Variants in RPL28 observed in about 807,000 individuals in gnomAD.
RPL28 encodes the protein ribosomal protein L28.
In RPL28, 4 loss-of-function variants were observed where a neutral mutation model predicts 12.5. The observed-to-expected ratio is 0.32, with a 90% confidence interval of 0.16 to 0.73. RPL28 has a LOEUF of 0.73. RPL28 is among the 30% of genes least tolerant of loss of function. The probability of loss-of-function intolerance (pLI) is 0.66; values close to 1 mark genes in which losing one functional copy is unlikely to be tolerated. For missense variants in RPL28, 214 were observed against 197.7 expected, an observed-to-expected ratio of 1.08 and a Z score of -0.49; for synonymous variants, 91 against 72.5, an observed-to-expected ratio of 1.26 and a Z score of -1.30.
downstream of RPL28, among the ~76,000 whole-genome samples, chr19:55,396,637 G>A (rs1016040580): frequency 5.2e-5 from 7 of 134,576 alleles, no homozygotes; most frequent in Non-Finnish European, 4.8e-5. Flanking sequence ...TGTCACCCAG[G>A]CTGGAGTGCA....
At position 55,387,975 on chromosome 19, in the gene RPL28, A is replaced by G. The variant is rs17856327; in HGVS notation, c.251A>G (p.Lys84Arg). 24 of 1,607,580 alleles carry G rather than the reference A, an allele frequency of 1.5e-5. 1 individual carries two copies. The highest frequency in any genetic ancestry group is 1.2e-4 in the African/African-American group (9 of 74,796). ...TCCTATGTGCGGACCACCATCAACA[A>G]GAATGCTCGCGCCACGCTCAGCAGC... Reference protein sequence around the residue: ...ATSYVRTTINKNARATLSSIR... With the variant: ...ATSYVRTTINRNARATLSSIR... The change falls in exon 4 of 5, where the codon AAG becomes AGG. Residue 84 changes from lysine to arginine, a missense_variant. Physicochemically the swap from Lys to Arg is conservative, Grantham distance 26. Coordinates refer to ENST00000344063, the MANE Select transcript of RPL28 (RefSeq NM_000991.5).
At chr19:55,399,213 C>CTGG (rs2090040775) in intron 4 of RPL28, among the ~76,000 whole-genome samples, 1 of 152,184 alleles carries the variant, frequency 6.6e-6, no homozygotes, top group African/African-American at 2.4e-5. Context: ...GTCACCCAGG[C>CTGG]TGGAGTGCAG....
chr19:55,394,929 A>G (rs1435742279), downstream of RPL28, among the ~76,000 whole-genome samples: 1 of 152,174 alleles, frequency 6.6e-6, no homozygotes, highest in Non-Finnish European at 1.5e-5. Context: ...AGTGAAAAAA[A>G]GCAACCTGCA....
At position 55,386,610 on chromosome 19, in the gene RPL28, A is replaced by G. The variant is rs1039335381; in HGVS notation, c.122A>G (p.Asn41Ser). Residue 41 changes from asparagine (N) to serine (S), a missense_variant, in exon 3 of 5, where the codon AAC (asparagine) becomes AGC (serine). By Grantham distance (46) the Asn-to-Ser change is conservative (BLOSUM62 1). Transcript: ENST00000344063. Reference protein sequence around the residue: ...NLKARNSFRYNGLIHRKTVGV... With the variant: ...NLKARNSFRYSGLIHRKTVGV... ...AAGGCCCGCAATTCCTTCCGCTACA[A>G]CGGACTGATTCACCGCAAGACTGTG... 1.9e-6 allele frequency: 3 copies of G among 1,613,108 alleles called. No individual in the cohort carries two copies. Among genetic ancestry groups the G allele is most frequent in the East Asian group, 2.2e-5 (1 of 44,868 alleles).
chr19:55,402,645 C>T (rs1403810180), intron 4 of RPL28, among the ~76,000 whole-genome samples: 2 of 152,222 alleles, frequency 1.3e-5, no homozygotes, highest in African/African-American at 4.8e-5. Context: ...CACCCTAATT[C>T]TCATCACTGC....
At chr19:55,395,658 T>C (rs989389082), downstream of RPL28, among the ~76,000 whole-genome samples, 16 of 150,090 alleles carry the variant, frequency 1.1e-4, no homozygotes, top group African/African-American at 3.4e-4. Context: ...TTAGCCAGGA[T>C]GGTCTCAATC....
intron 4 of RPL28, chr19:55,401,873 T>C (rs1344512615): frequency 2.5e-6 from 3 of 1,181,668 alleles, no homozygotes; most frequent in African/African-American, 1.5e-5. Context: ...CCAACTCAGC[T>C]GCAGATCCAG....
rs201654741 is a variant in RPL28, at chr19:55,387,954, A to T, written c.230A>T (p.Tyr77Phe). The change falls in exon 4 of 5, where the codon TAT becomes TTT. Residue 77 changes from tyrosine to phenylalanine, a missense_variant. Tyr to Phe is a conservative substitution (Grantham distance 22). Coordinates refer to ENST00000344063, the MANE Select transcript of RPL28 (RefSeq NM_000991.5). ...RSGQRKPATS[Y>F]VRTTINKNAR... is the part of the protein sequence containing the mutation. ...GGCCAGCGGAAGCCTGCCACCTCCTATGTGCGGACCACCATCAACAAGAAT... is the reference window on the plus strand; with the variant it reads ...GGCCAGCGGAAGCCTGCCACCTCCTTTGTGCGGACCACCATCAACAAGAAT... 6.3e-7 allele frequency: 1 copy of T among 1,593,946 alleles called. No homozygotes were observed. The highest frequency in any genetic ancestry group is 8.5e-7 in the Non-Finnish European group (1 of 1,170,092).
At position 55,391,195 on chromosome 19, in the gene RPL28, G is replaced by C. The variant is rs557698309; in HGVS notation, c.*2863G>C. On this transcript the variant is annotated 3_prime_UTR_variant, in exon 5 of 5. Transcript: ENST00000344063. ...CATCCTATCCCCAAGAGTGATGCCC[G>C]GCAGCATTCCCAGCTCAGGGCTAAT... is the stretch of plus-strand genomic sequence containing the variant. 29 of 214,400 alleles carry C rather than the reference G, an allele frequency of 1.4e-4. 1 individual carries two copies. The South Asian group carries it at 4.2e-3, about 31-fold the overall frequency. 13.3% of individuals were successfully genotyped at this position (214,400 alleles called of 1,614,324 possible).
Position 55,388,907 on chromosome 19 carries a change from G to A in RPL28, c.*575G>A, listed in dbSNP as rs2089962741. 1.0e-6 allele frequency: 1 copy of A among 985,670 alleles called. No individual in the cohort carries two copies. The highest frequency in any genetic ancestry group is 1.2e-6 in the Non-Finnish European group (1 of 830,106). 61.1% of individuals were successfully genotyped at this position (985,670 alleles called of 1,614,324 possible). ...TGGGTGGTGGCTTATAACTGTAAGGGAGATGGCAGCCCCAGGGTACAGCCA... is the reference window on the plus strand; with the variant it reads ...TGGGTGGTGGCTTATAACTGTAAGGAAGATGGCAGCCCCAGGGTACAGCCA... On this transcript the variant is annotated 3_prime_UTR_variant, in exon 5 of 5. Transcript: ENST00000344063.
exon 5 of RPL28, chr19:55,403,237 TGAACTGTATACTTTG>T (rs2090074275): frequency 3.3e-6 from 2 of 609,012 alleles, no homozygotes; most frequent in Admixed American, 5.5e-5. Context: ...AAAAAACCAC[TGAACTGTATACTTTG>T]GAACTGAGTT....
In RPL28 at chr19:55,389,996, G is replaced by T; in HGVS notation, c.*1664G>T. 1.0e-6 allele frequency: 1 copy of T among 985,470 alleles called. No homozygotes were observed. The highest frequency in any genetic ancestry group is 4.7e-5 in the South Asian group (1 of 21,296). The allele number at this position is 985,470 out of a possible 1,614,324, so 61.0% of individuals were successfully genotyped here. On this transcript the variant is annotated 3_prime_UTR_variant, in exon 5 of 5. Transcript: ENST00000344063. ...AGCTCACTGCTCACGTTAGTAGATG[G>T]CCCCTTCTCGTGAGGCCTCTCCCCT...
At chr19:55,398,170 T>TG (rs1171092021) in intron 4 of RPL28, among the ~76,000 whole-genome samples, 2 of 152,124 alleles carry the variant, frequency 1.3e-5, no homozygotes, top group Non-Finnish European at 2.9e-5. Context: ...CACCCCAGGC[T>TG]GGGTGACACA....
rs115600392 is a variant in RPL28, at chr19:55,398,432, T to A, written c.325-4511T>A. Reference sequence around the variant, plus strand: ...TACCATCTCACTGTTCCAACTGGAGTCTATAGGAGTTCCTAGTGCTCCGCC... The same window carrying A: ...TACCATCTCACTGTTCCAACTGGAGACTATAGGAGTTCCTAGTGCTCCGCC... On this transcript the variant is annotated intron_variant, in intron 4 of 4. Transcript: ENST00000560055. Among the ~76,000 whole-genome samples the A allele has an allele frequency of 3.0e-3, 460 of 152,252 alleles. 6 individuals are homozygous for A. Among genetic ancestry groups the A allele is most frequent in the African/African-American group, 0.011 (441 of 41,518 alleles).
chr19:55,395,684 CTG>C (rs1569045182), downstream of RPL28, among the ~76,000 whole-genome samples: 2 of 151,506 alleles, frequency 1.3e-5, no homozygotes, highest in Non-Finnish European at 2.9e-5. Flanking sequence ...ACCTTGTGAT[CTG>C]CCCACCTTGG....
Position 55,389,744 on chromosome 19 carries a change from GT to G in RPL28, c.*1414del. 1.0e-6 allele frequency: 1 copy of G among 985,586 alleles called. No homozygotes were observed. The highest frequency in any genetic ancestry group is 1.2e-6 in the Non-Finnish European group (1 of 830,064). The allele number at this position is 985,586 out of a possible 1,614,324, so 61.1% of individuals were successfully genotyped here. A position where few individuals can be genotyped will look rare whatever the true frequency, so the allele number is the denominator to read the frequency against. On this transcript the variant is annotated 3_prime_UTR_variant, in exon 5 of 5. Coordinates refer to ENST00000344063, the MANE Select transcript of RPL28 (RefSeq NM_000991.5). ...TACCATTTCCTTTGTCCTTCCCTTA[GT>G]TGGGTCTATTAGCTCAGATTGAGAG...
downstream of RPL28, among the ~76,000 whole-genome samples, chr19:55,395,665 A>T (rs146221167): frequency 1.7e-4 from 25 of 146,382 alleles, no homozygotes; most frequent in Admixed American, 5.5e-4. Flanking sequence ...GGATGGTCTC[A>T]ATCTCCTGAC....
chr19:55,393,595 G>A (rs1483431556), downstream of RPL28, among the ~76,000 whole-genome samples: 1 of 148,182 alleles, frequency 6.7e-6, no homozygotes, highest in African/African-American at 2.5e-5. Context: ...TCCCACTCAT[G>A]TCCCCTCTAG....
chr19:55,403,225 T>C (rs1002032784), exon 5 of RPL28: 29 of 617,460 alleles, frequency 4.7e-5, no homozygotes, highest in Admixed American at 1.9e-4. Flanking sequence ...CCTATCGCTA[T>C]TAAAAAACCA....
Sources: gnomAD v4.1 joint callset for allele counts (sites outside exome capture counted in the v4.1 genomes callset) on GRCh38, gnomAD v4.1.1 for gene constraint, MANE v1.5 for transcripts, NCBI Gene and HGNC (gene_info 2026-07-23, HGNC 2026-07-21) for gene names.